The following NRAP variants were observed in gnomAD, a reference collection of about 807,000 sequenced individuals.
NRAP encodes the protein nebulin-related-anchoring protein.
NRAP carries 189 observed loss-of-function variants against 225.9 expected under a neutral mutation model. The observed-to-expected ratio is 0.84, with a 90% CI of 0.74 to 0.94. The LOEUF (loss-of-function observed/expected upper bound fraction) is 0.94, where lower values mean the gene tolerates loss of function less well. NRAP is among the 40% of genes least tolerant of loss of function. The probability of loss-of-function intolerance (pLI) is 0.00; values close to 1 mark genes in which losing one functional copy is unlikely to be tolerated. For missense variants in NRAP, 2,176 were observed against 2,168.7 expected (o/e 1.00, Z -0.07); for synonymous variants, 769 against 790.7 (o/e 0.97, Z 0.46).
chr10:113,655,494 C>T (rs1850256134), intron 4 of NRAP, among the ~76,000 whole-genome samples: 2 of 147,132 alleles, frequency 1.4e-5, no homozygotes, highest in South Asian at 4.3e-4. Context: ...CTTGCTCTGT[C>T]ACCTAGGATG....
rs1360961913 is a variant in NRAP at position 113,631,391 on chromosome 10, A to C, written c.1842+118T>G. Reference sequence around the variant, plus strand: ...AACTTCTTATGCAAGCCAGGAAAGAAAGGAGTTGCAGGTAGAAGTCAATAA... The same window carrying C: ...AACTTCTTATGCAAGCCAGGAAAGACAGGAGTTGCAGGTAGAAGTCAATAA... On this transcript the variant is annotated intron_variant, in intron 18 of 41. Coordinates refer to ENST00000359988, the MANE Select transcript of NRAP (RefSeq NM_198060.4). 4 of 634,726 alleles carry C rather than the reference A, an allele frequency of 6.3e-6. No individual in the cohort carries two copies. The African/African-American group carries it at 7.5e-5, about 12-fold the overall frequency. The allele number at this position is 634,726 out of a possible 1,614,324, so 39.3% of individuals were successfully genotyped here. A position where few individuals can be genotyped will look rare whatever the true frequency, so the allele number is the denominator to read the frequency against.
intron 36 of NRAP, 125 bp from the exon 37 acceptor site, chr10:113,597,309 CT>C: frequency 3.0e-6 from 2 of 677,494 alleles, no homozygotes; most frequent in Admixed American, 4.4e-5. Context: ...ACAAGCCTTT[CT>C]TCTTGGTAGG....
At chr10:113,656,028 G>T (rs938892541) in intron 4 of NRAP, among the ~76,000 whole-genome samples, 1 of 152,228 alleles carries the variant, frequency 6.6e-6, no homozygotes, top group South Asian at 2.1e-4. Flanking sequence ...TGATGGAAAG[G>T]GGGAGGTCGA....
At chr10:113,624,522 T>C (rs1362642113) in intron 22 of NRAP, among the ~76,000 whole-genome samples, 9 of 152,190 alleles carry the variant, frequency 5.9e-5, no homozygotes, top group Non-Finnish European at 1.3e-4. Context: ...GTCTGAGCTC[T>C]TACTCCCCTC....
intron 2 of NRAP, 36 bp from the exon 3 acceptor site, chr10:113,662,802 T>C (rs555027250): frequency 1.9e-6 from 2 of 1,060,250 alleles, no homozygotes; most frequent in Admixed American, 1.9e-5. Flanking sequence ...ATTAGAAATG[T>C]ACTTTATCCA....
chr10:113,663,546 T>A, intron 1 of NRAP, 100 bp from the exon 2 acceptor site: 1 of 778,934 alleles, frequency 1.3e-6, no homozygotes, highest in Non-Finnish European at 2.1e-6. Flanking sequence ...GAGGATAAAA[T>A]GCTGATTTTA....
chr10:113,622,288 T>A, intron 23 of NRAP, 108 bp from the exon 24 acceptor site: 1 of 705,678 alleles, frequency 1.4e-6, no homozygotes, highest in Non-Finnish European at 2.4e-6. Context: ...CAGAATCCTA[T>A]TAGAATTAGA....
intron 24 of NRAP, 104 bp from the exon 25 acceptor site, chr10:113,620,812 C>A: frequency 3.9e-6 from 3 of 770,396 alleles, no homozygotes; most frequent in Admixed American, 2.1e-5. Flanking sequence ...CCAGCTGAGT[C>A]AAATTAGATG....
intron 22 of NRAP, 53 bp from the exon 23 acceptor site, chr10:113,623,689 ACGTGAGAG>A: frequency 1.8e-6 from 2 of 1,128,328 alleles, no homozygotes; most frequent in Non-Finnish European, 2.7e-6. Context: ...GAGGGTTCTC[ACGTGAGAG>A]CATTTCTCTA....
chr10:113,637,800 TA>T (rs1157785136), intron 14 of NRAP, among the ~76,000 whole-genome samples: 1 of 152,032 alleles, frequency 6.6e-6, no homozygotes, highest in East Asian at 1.9e-4. Context: ...CGCATGCCTG[TA>T]ATCCCAGCTA....
chr10:113,660,102 T>C (rs1850571824), intron 3 of NRAP, among the ~76,000 whole-genome samples: 1 of 81,244 alleles, frequency 1.2e-5, no homozygotes. Flanking sequence ...TACACATATA[T>C]ACATACATAC....
rs779911605 is a variant in NRAP, at chr10:113,614,226, A to G, written c.3257T>C (p.Ile1086Thr). 1 of 1,614,090 alleles carries G rather than the reference A, an allele frequency of 6.2e-7. No individual in the cohort carries two copies. The highest frequency in any genetic ancestry group is 8.5e-7 in the Non-Finnish European group (1 of 1,179,926). ...CGCATACACTGAATGTGCAAGGCTG[A>G]TATCATCTTCCAAGCTCCGGGAACC... is the stretch of plus-strand genomic sequence containing the variant. ...MLGSRSLEDDISLAHSVYATS... is the reference protein window; with the variant it reads ...MLGSRSLEDDTSLAHSVYATS... Residue 1086 changes from isoleucine to threonine, a missense_variant, in exon 29 of 42, where the codon ATC becomes ACC. Coordinates refer to ENST00000359988, the MANE Select transcript of NRAP (RefSeq NM_198060.4).
intron 9 of NRAP, among the ~76,000 whole-genome samples, chr10:113,647,524 G>GGTGGTACTGCCTCCCCAA (rs1564752499): frequency 8.6e-5 from 3 of 35,044 alleles, no homozygotes; most frequent in Admixed American, 4.2e-4. Flanking sequence ...TGTCTCCCCC[G>GGTGGTACTGCCTCCCCAA]GTGGTACTGT....
intron 39 of NRAP, 119 bp from the exon 40 acceptor site, chr10:113,591,008 A>T: frequency 2.5e-6 from 2 of 796,170 alleles, no homozygotes; most frequent in Non-Finnish European, 4.0e-6. Flanking sequence ...TTAGAGGCAC[A>T]GGCTTTGGAT....
intron 9 of NRAP, 46 bp downstream of exon 9, chr10:113,649,991 G>T: frequency 9.0e-7 from 1 of 1,110,794 alleles, no homozygotes; most frequent in Non-Finnish European, 1.4e-6. Context: ...CCTAGAATGG[G>T]CCAAACATGG....
intron 14 of NRAP, among the ~76,000 whole-genome samples, chr10:113,639,233 C>T (rs1298105335): frequency 6.6e-6 from 1 of 152,150 alleles, no homozygotes; most frequent in African/African-American, 2.4e-5. Context: ...CAGCTTCCTT[C>T]CTCCTGTTTT....
At chr10:113,658,749 G>C (rs376549050) in intron 3 of NRAP, among the ~76,000 whole-genome samples, 22 of 152,010 alleles carry the variant, frequency 1.4e-4, no homozygotes, top group African/African-American at 3.6e-4. Context: ...GAGCATGGTG[G>C]TGCACGCCTG....
At chr10:113,638,832 C>T (rs1413482853) in intron 14 of NRAP, among the ~76,000 whole-genome samples, 13 of 152,136 alleles carry the variant, frequency 8.5e-5, no homozygotes, top group Admixed American at 8.5e-4. Flanking sequence ...AGTGAACCCA[C>T]CTCTAAACTC....
intron 5 of NRAP, 61 bp from the exon 6 acceptor site, chr10:113,653,100 A>G: frequency 2.3e-6 from 2 of 884,184 alleles, no homozygotes; most frequent in African/African-American, 3.7e-5. Flanking sequence ...CAACTAAGAA[A>G]ACCGCAATAA....
Sources: gnomAD v4.1 joint callset for allele counts (sites outside exome capture counted in the v4.1 genomes callset) on GRCh38, gnomAD v4.1.1 for gene constraint, MANE v1.5 for transcripts, NCBI Gene and HGNC (gene_info 2026-07-23, HGNC 2026-07-21) for gene names.